DLC1: variants seen among roughly 807,000 people sequenced by gnomAD.
DLC1 encodes the protein rho GTPase-activating protein 7.
A neutral mutation model predicts 140.3 loss-of-function variants in DLC1; 54 were observed. The ratio of observed to expected loss-of-function variants is 0.38; its 90% CI spans 0.31 to 0.48. DLC1 has a LOEUF of 0.48. Ranked by LOEUF, DLC1 falls within the 20% of genes least tolerant of loss-of-function variation. The pLI is 0.96. For missense variants in DLC1, 2,536 were observed against 1,907.0 expected (o/e 1.33, Z -6.14); for synonymous variants, 986 against 728.1 (o/e 1.35, Z -5.70).
At chr8:13,088,263 G>T (rs994724406) in intron 16 of DLC1, among the ~76,000 whole-genome samples, 4 of 152,094 alleles carry the variant, frequency 2.6e-5, no homozygotes, top group African/African-American at 9.7e-5. Context: ...AAATTTTTTT[G>T]TAGAGATAGG....
At chr8:13,349,557 G>A (rs983906350) in intron 4 of DLC1, among the ~76,000 whole-genome samples, 7 of 152,124 alleles carry the variant, frequency 4.6e-5, no homozygotes, top group East Asian at 3.9e-4. Flanking sequence ...CAGGAAACAC[G>A]TTTTAGAGTG....
intron 5 of DLC1, among the ~76,000 whole-genome samples, chr8:13,228,428 T>TA (rs540077220): frequency 2.8e-4 from 42 of 152,058 alleles, no homozygotes; most frequent in African/African-American, 4.6e-4. Flanking sequence ...AACTCAATTA[T>TA]AAAAAGACAA....
rs150979039 is a variant in DLC1, at chr8:13,418,487, C to T, written c.1024-16868G>A. The stretch of plus-strand genomic sequence containing the variant: ...TAAATAGGGAATCCTTTCCCCATTG[C>T]TTGTTTTTGTCACATGTGTCAAAGA... On this transcript the variant is annotated intron_variant, in intron 2 of 17. Coordinates refer to ENST00000276297, the MANE Select transcript of DLC1 (RefSeq NM_182643.3). Among the ~76,000 whole-genome samples, 1,067 of 152,262 alleles carry T rather than the reference C, an allele frequency of 7.0e-3. 9 individuals are homozygous for T. The highest frequency in any genetic ancestry group is 0.012 in the Admixed American group (178 of 15,294).
intron 2 of DLC1, among the ~76,000 whole-genome samples, chr8:13,417,400 C>T (rs1247159452): frequency 6.7e-6 from 1 of 149,624 alleles, no homozygotes; most frequent in Non-Finnish European, 1.5e-5. Context: ...TGATGTTCCC[C>T]TTCCTGTGTC....
intron 5 of DLC1, among the ~76,000 whole-genome samples, chr8:13,118,895 C>T (rs1225461272): frequency 2.6e-5 from 4 of 152,152 alleles, no homozygotes; most frequent in African/African-American, 9.7e-5. Context: ...TATTAATCTT[C>T]TCTCTCCTTC....
chr8:13,589,688 TG>T (rs1161503005), intron 1 of DLC1, among the ~76,000 whole-genome samples: 2 of 55,170 alleles, frequency 3.6e-5, no homozygotes, highest in Non-Finnish European at 5.7e-5. Flanking sequence ...TAGAATGCTC[TG>T]TTTTTTTTTT....
chr8:13,499,737 T>C lies in DLC1; in HGVS notation c.335A>G (p.Asp112Gly). ...ASTETLVHVS[D>G]EDNNADLCLT... ...GCATAAATCAGCATTGTTATCCTCA[T>C]CAGAAACATGCACTAGTGTTTCTGT... Residue 112 changes from aspartate (D) to glycine (G), a missense_variant, in exon 2 of 18, where the codon GAT becomes GGT. By Grantham distance (94) the Asp-to-Gly change is moderately conservative (BLOSUM62 -1). Coordinates refer to ENST00000276297, the MANE Select transcript of DLC1 (RefSeq NM_182643.3). The C allele has an allele frequency of 6.2e-7, 1 of 1,614,146 alleles. No individual in the cohort carries two copies. Among genetic ancestry groups the C allele is most frequent in the Non-Finnish European group, 8.5e-7 (1 of 1,180,014 alleles).
At chr8:13,139,577 C>G (rs1015978644) in intron 5 of DLC1, among the ~76,000 whole-genome samples, 5 of 152,176 alleles carry the variant, frequency 3.3e-5, no homozygotes, top group Non-Finnish European at 4.4e-5. Flanking sequence ...GTACTGAATT[C>G]TTAGTCCTGA....
intron 4 of DLC1, among the ~76,000 whole-genome samples, chr8:13,344,618 A>G (rs577940952): frequency 6.6e-6 from 1 of 152,218 alleles, no homozygotes; most frequent in African/African-American, 2.4e-5. Context: ...CCCGCAAATG[A>G]GTTCTCTAAA....
At chr8:13,276,398 C>T (rs761230010) in intron 5 of DLC1, 2 of 1,484,690 alleles carry the variant, frequency 1.3e-6, no homozygotes, top group Admixed American at 2.2e-5. Flanking sequence ...TGGGGTCCCC[C>T]ATCCGCTCGC....
At chr8:13,446,779 A>G (rs1412641611) in intron 2 of DLC1, among the ~76,000 whole-genome samples, 1 of 152,182 alleles carries the variant, frequency 6.6e-6, no homozygotes, top group East Asian at 1.9e-4. Flanking sequence ...TGTCTCTATT[A>G]AAAATACAAA....
chr8:13,220,544 G>T (rs573227586), intron 5 of DLC1, among the ~76,000 whole-genome samples: 58 of 152,196 alleles, frequency 3.8e-4, no homozygotes, highest in African/African-American at 1.3e-3. Context: ...ACATCAAGTA[G>T]AACATTATAT....
At chr8:13,575,396 G>A (rs1804803444) in intron 1 of DLC1, among the ~76,000 whole-genome samples, 1 of 152,108 alleles carries the variant, frequency 6.6e-6, no homozygotes, top group South Asian at 2.1e-4. Flanking sequence ...TGGCTTGAAG[G>A]TGAGGAAAGA....
chr8:13,159,025 A>G lies in DLC1; in HGVS notation c.1349-43368T>C, dbSNP rs116823662. ...AAACAGCTGCAGAATGTAGCAAGGA[A>G]ATTTATGTAATTAGTGAAGCAGGCA... On this transcript the variant is annotated intron_variant, in intron 5 of 17. Transcript: ENST00000276297. Among the ~76,000 whole-genome samples the G allele has an allele frequency of 2.2e-3, 337 of 152,150 alleles. 2 individuals are homozygous for G. Among genetic ancestry groups the G allele is most frequent in the African/African-American group, 7.7e-3 (318 of 41,518 alleles).
chr8:13,349,089 A>T lies in DLC1; in HGVS notation c.1315-43787T>A, dbSNP rs187635556. ...TTCCTGTCCGCCAATTCAACAGGAGACAGGAAGTTTACTCTCTGGAGACAC... is the reference window on the plus strand; with the variant it reads ...TTCCTGTCCGCCAATTCAACAGGAGTCAGGAAGTTTACTCTCTGGAGACAC... On this transcript the variant is annotated intron_variant, in intron 4 of 17. Coordinates refer to ENST00000276297, the MANE Select transcript of DLC1 (RefSeq NM_182643.3). Among the ~76,000 whole-genome samples, 411 of 152,264 alleles carry T rather than the reference A, an allele frequency of 2.7e-3. 4 individuals are homozygous for T. Among genetic ancestry groups the T allele is most frequent in the African/African-American group, 9.2e-3 (382 of 41,538 alleles).
intron 7 of DLC1, among the ~76,000 whole-genome samples, chr8:13,110,199 AC>A (rs1819962639): frequency 6.6e-6 from 1 of 152,156 alleles, no homozygotes; most frequent in African/African-American, 2.4e-5. Flanking sequence ...ACCCAAAACC[AC>A]AATGATCAAG....
rs181575398 is a variant in DLC1 at position 13,288,679 on chromosome 8, G to A, written c.1348+16590C>T. On this transcript the variant is annotated intron_variant, in intron 5 of 17. Transcript: ENST00000276297. ...GATGTGCCATCAAGGTCTAGAATAA[G>A]GAGATCCTGAGACAACTCAACAGGA... Among the ~76,000 whole-genome samples the A allele has an allele frequency of 2.6e-5, 4 of 152,338 alleles. No individual in the cohort carries two copies. The East Asian group carries it at 7.7e-4, about 29-fold the overall frequency.
chr8:13,154,499 C>T (rs1585788690), intron 5 of DLC1, among the ~76,000 whole-genome samples: 1 of 152,198 alleles, frequency 6.6e-6, no homozygotes, highest in Admixed American at 6.5e-5. Context: ...GAGTGCGGGG[C>T]CTGCCGAGCC....
chr8:13,086,341 G>T lies in DLC1; in HGVS notation c.4415C>A (p.Pro1472His), dbSNP rs1316145192. ...NVLLSRYLIE[P>H]CGPGKSKLTY... Reference sequence around the variant, plus strand: ...GAGTTTGGATTTTCCTGGCCCACAGGGTTCAATCAAATACCTGGACAAGAG... The same window carrying T: ...GAGTTTGGATTTTCCTGGCCCACAGTGTTCAATCAAATACCTGGACAAGAG... Residue 1472 changes from proline to histidine, a missense_variant, in exon 17 of 18, where the codon CCC becomes CAC. By Grantham distance (77) the Pro-to-His change is moderately conservative. Coordinates refer to ENST00000276297, the MANE Select transcript of DLC1 (RefSeq NM_182643.3). 1 of 1,614,210 alleles carries T rather than the reference G, an allele frequency of 6.2e-7. No homozygotes were observed. Among genetic ancestry groups the T allele is most frequent in the South Asian group, 1.1e-5 (1 of 91,084 alleles).
Sources: allele counts gnomAD v4.1 joint callset (sites outside exome capture counted in the v4.1 genomes callset), GRCh38; gene constraint gnomAD v4.1.1; transcripts MANE v1.5; gene names NCBI Gene and HGNC (gene_info 2026-07-23, HGNC 2026-07-21).